CPNE4: variants seen among roughly 807,000 people sequenced by gnomAD.
CPNE4 encodes copine 4.
In CPNE4, 25 loss-of-function variants were observed where a neutral mutation model predicts 67.9. The ratio of observed to expected loss-of-function variants is 0.37; its 90% CI spans 0.27 to 0.51. CPNE4 has a LOEUF of 0.51. Ranked by LOEUF, CPNE4 falls within the 20% of genes least tolerant of loss-of-function variation. The pLI, the probability that CPNE4 is intolerant of heterozygous loss-of-function variation, is 0.93. For synonymous variants in CPNE4, 242 were observed against 244.9 expected (o/e 0.99, Z 0.11); for missense variants, 464 against 690.8 (o/e 0.67, Z 3.68).
intron 1 of CPNE4, among the ~76,000 whole-genome samples, chr3:132,006,412 A>C (rs1440020337): frequency 2.6e-5 from 4 of 152,170 alleles, no homozygotes; most frequent in Non-Finnish European, 5.9e-5. Flanking sequence ...CGCTTGCCTT[A>C]AGAAAAATGA....
chr3:131,699,095 A>G (rs1397595310), intron 4 of CPNE4, among the ~76,000 whole-genome samples: 1 of 152,002 alleles, frequency 6.6e-6, no homozygotes, highest in African/African-American at 2.4e-5. Context: ...ATACATCCAA[A>G]TGGTTGGACA....
At chr3:131,818,307 G>C (rs79559845) in intron 2 of CPNE4, among the ~76,000 whole-genome samples, 4,806 of 152,246 alleles carry the variant, frequency 0.032, 177 homozygotes, top group South Asian at 0.095. Flanking sequence ...GCTTCACAGC[G>C]TAAGGCTACA....
intron 3 of CPNE4, among the ~76,000 whole-genome samples, chr3:131,720,874 C>T (rs1231824363): frequency 2.0e-5 from 3 of 152,186 alleles, no homozygotes; most frequent in East Asian, 1.9e-4. Context: ...ATGCTCTGCA[C>T]CATATGCCAA....
intron 1 of CPNE4, among the ~76,000 whole-genome samples, chr3:131,950,193 T>C (rs2071681461): frequency 6.6e-6 from 1 of 152,232 alleles, no homozygotes; most frequent in Non-Finnish European, 1.5e-5. Context: ...CCTTGTTTTA[T>C]GTGTGCTTCT....
intron 1 of CPNE4, among the ~76,000 whole-genome samples, chr3:131,956,618 CATTT>C (rs1387254414): frequency 6.8e-5 from 10 of 146,604 alleles, no homozygotes; most frequent in African/African-American, 1.2e-4. Flanking sequence ...TTCAATACAG[CATTT>C]ATTATAATGC....
intron 2 of CPNE4, among the ~76,000 whole-genome samples, chr3:131,833,501 C>T (rs2108000661): frequency 6.6e-6 from 1 of 152,198 alleles, no homozygotes; most frequent in South Asian, 2.1e-4. Context: ...TGAGACAAGC[C>T]TTGGCAGCAC....
chr3:131,647,455 C>A (rs773073779), intron 7 of CPNE4, among the ~76,000 whole-genome samples: 1 of 152,182 alleles, frequency 6.6e-6, no homozygotes, highest in Admixed American at 6.5e-5. Context: ...CAGATTCCAC[C>A]TTTTGCCTGC....
At chr3:131,717,353 G>A (rs1405834214) in intron 3 of CPNE4, among the ~76,000 whole-genome samples, 3 of 151,016 alleles carry the variant, frequency 2.0e-5, no homozygotes, top group African/African-American at 7.3e-5. Context: ...GTTTATATAT[G>A]GCACGTTCAA....
chr3:131,576,111 G>A (rs1937542183), intron 9 of CPNE4, among the ~76,000 whole-genome samples: 1 of 152,074 alleles, frequency 6.6e-6, no homozygotes, highest in Admixed American at 6.6e-5. Context: ...ATTTTTGACT[G>A]TCACTTCTCA....
At chr3:131,865,448 C>G (rs1560497474) in intron 2 of CPNE4, among the ~76,000 whole-genome samples, 1 of 152,124 alleles carries the variant, frequency 6.6e-6, no homozygotes, top group South Asian at 2.1e-4. Context: ...TTCTTAAAGA[C>G]CCCTCCCAAA....
At chr3:131,872,538 A>G (rs2087261935) in intron 2 of CPNE4, among the ~76,000 whole-genome samples, 2 of 152,206 alleles carry the variant, frequency 1.3e-5, no homozygotes, top group African/African-American at 4.8e-5. Flanking sequence ...CCACTTTAGG[A>G]AGGGCAGTCT....
At chr3:131,809,523 A>T (rs1252285036) in intron 2 of CPNE4, among the ~76,000 whole-genome samples, 1 of 136,410 alleles carries the variant, frequency 7.3e-6, no homozygotes, top group African/African-American at 3.0e-5. Flanking sequence ...CGCTTTATAC[A>T]CAAAGCTTTA....
chr3:131,952,606 C>CT (rs1255768675), intron 1 of CPNE4, among the ~76,000 whole-genome samples: 22 of 58,584 alleles, frequency 3.8e-4, no homozygotes, highest in African/African-American at 1.2e-3. Context: ...GCCGCCCCGT[C>CT]CGGAGGGAGG....
intron 6 of CPNE4, among the ~76,000 whole-genome samples, chr3:131,679,961 G>A (rs2080697849): frequency 1.3e-5 from 2 of 152,128 alleles, no homozygotes; most frequent in African/African-American, 4.8e-5. Context: ...CCAGTGCTGA[G>A]TTCAGGTCCT....
At chr3:132,029,874 T>C (rs1583620997) in intron 1 of CPNE4, among the ~76,000 whole-genome samples, 1 of 128,388 alleles carries the variant, frequency 7.8e-6, no homozygotes, top group African/African-American at 3.0e-5. Flanking sequence ...CCTGGAACTG[T>C]AAACACTCAT....
intron 2 of CPNE4, among the ~76,000 whole-genome samples, chr3:131,776,039 G>A (rs1297380212): frequency 1.3e-5 from 2 of 152,118 alleles, no homozygotes; most frequent in Non-Finnish European, 2.9e-5. Flanking sequence ...CAGGCTCTGG[G>A]CCCAGGTGTC....
chr3:131,711,153 CA>C (rs1470732250), intron 3 of CPNE4, among the ~76,000 whole-genome samples: 1 of 152,188 alleles, frequency 6.6e-6, no homozygotes, highest in Non-Finnish European at 1.5e-5. Context: ...ACCGGACAGG[CA>C]GGGGCAAACT....
At chr3:131,665,462 C>A (rs1472071512) in intron 7 of CPNE4, among the ~76,000 whole-genome samples, 3 of 152,034 alleles carry the variant, frequency 2.0e-5, no homozygotes, top group South Asian at 2.1e-4. Context: ...TGTTTGAGAC[C>A]AGCCTGGCCA....
intron 12 of CPNE4, 54 bp downstream of exon 12, chr3:131,555,443 A>G: frequency 6.6e-7 from 1 of 1,519,730 alleles, no homozygotes; most frequent in Non-Finnish European, 9.1e-7. Context: ...AGAAGAGCCA[A>G]GTTATCCTTT....
Sources: gnomAD v4.1 joint callset for allele counts (sites outside exome capture counted in the v4.1 genomes callset) on GRCh38, gnomAD v4.1.1 for gene constraint, MANE v1.5 for transcripts, NCBI Gene and HGNC (gene_info 2026-07-23, HGNC 2026-07-21) for gene names.